Variants in FRY observed in about 807,000 individuals in gnomAD.
FRY encodes the protein protein furry homolog.
Under a neutral mutation model 348.4 loss-of-function variants are expected in FRY, and 128 were observed. That is an observed-to-expected ratio of 0.37 (90% confidence interval 0.32 to 0.43). The LOEUF is 0.43. Ranked by LOEUF, FRY falls within the 20% of genes least tolerant of loss-of-function variation. The pLI is 1.00. For synonymous variants in FRY, 1,370 were observed against 1,374.7 expected, an observed-to-expected ratio of 1.00 and a Z score of 0.08; for missense variants, 2,736 against 3,695.2, an observed-to-expected ratio of 0.74 and a Z score of 6.73.
chr13:32,215,970 G>T (rs1884969263), intron 35 of FRY, among the ~76,000 whole-genome samples: 2 of 152,176 alleles, frequency 1.3e-5, no homozygotes, highest in Non-Finnish European at 1.5e-5. Flanking sequence ...AACCTCACCT[G>T]TATAAATTTT....
At chr13:32,115,235 C>T (rs1274977024) in intron 3 of FRY, among the ~76,000 whole-genome samples, 2 of 152,270 alleles carry the variant, frequency 1.3e-5, no homozygotes, top group South Asian at 2.1e-4. Flanking sequence ...CACTTTAGCT[C>T]CCTTTGCTCT....
At chr13:32,033,775 C>T (rs899734800) in intron 1 of FRY, among the ~76,000 whole-genome samples, 3 of 152,238 alleles carry the variant, frequency 2.0e-5, no homozygotes, top group Non-Finnish European at 4.4e-5. Flanking sequence ...GGCTTTCCAG[C>T]ATTCTTTTGA....
At chr13:32,200,781 T>G (rs998423147) in intron 29 of FRY, among the ~76,000 whole-genome samples, 6 of 152,234 alleles carry the variant, frequency 3.9e-5, no homozygotes, top group African/African-American at 1.4e-4. Flanking sequence ...TAATCTATTC[T>G]GTGTTCCTCT....
Position 32,054,217 on chromosome 13 carries a change from TTG to T in FRY, c.70+22354_70+22355del, listed in dbSNP as rs1346144237. ...TCATCTTGAACACACCCTTTTTTTTTTGTTGTTCTGTATGACTATTCAGGAAA... is the reference window on the plus strand; with the variant it reads ...TCATCTTGAACACACCCTTTTTTTTTTTGTTCTGTATGACTATTCAGGAAA... On this transcript the variant is annotated intron_variant, in intron 1 of 60. Transcript: ENST00000542859. Among the ~76,000 whole-genome samples, 380 of 151,796 alleles carry T rather than the reference TTG, an allele frequency of 2.5e-3. 1 individual carries two copies. Among genetic ancestry groups the T allele is most frequent in the Middle Eastern group, 0.02 (6 of 294 alleles).
At chr13:32,129,399 T>C (rs11839738) in intron 7 of FRY, among the ~76,000 whole-genome samples, 2,260 of 152,326 alleles carry the variant, frequency 0.015, 59 homozygotes, top group African/African-American at 0.052. Context: ...GTAAATTTAA[T>C]AAAGTTTCTA....
intron 35 of FRY, among the ~76,000 whole-genome samples, chr13:32,215,130 T>C (rs749758054): frequency 6.6e-6 from 1 of 152,074 alleles, no homozygotes; most frequent in Non-Finnish European, 1.5e-5. Context: ...AACTACAACT[T>C]AACATTAACC....
At chr13:32,210,795 G>A in intron 33 of FRY, 71 bp from the exon 34 acceptor site, 2 of 1,241,280 alleles carry the variant, frequency 1.6e-6, no homozygotes, top group South Asian at 1.2e-5. Context: ...CTAAATGAGA[G>A]GTTTACTGGC....
At chr13:32,045,318 C>T (rs1480445020) in intron 1 of FRY, among the ~76,000 whole-genome samples, 1 of 152,200 alleles carries the variant, frequency 6.6e-6, no homozygotes, top group Non-Finnish European at 1.5e-5. Context: ...TCTGGATCTT[C>T]GTCACCATCA....
Position 32,186,403 on chromosome 13 carries a change from C to A in FRY, c.3463C>A (p.Gln1155Lys). ...SDRNHQITRY[Q>K]YCALKAMSAV... ...CAGAAATCATCAGATTACAAGATAT[C>A]AGTATTGTGCATTAAAAGTAGGTGA... Residue 1155 changes from glutamine (Q) to lysine (K), a missense_variant, in exon 27 of 61, where the codon CAG becomes AAG. Gln to Lys is a moderately conservative substitution (Grantham distance 53). This residue lies in a region of FRY where 33 missense variants were observed against 86.7 expected (regional missense o/e 0.38). Transcript: ENST00000542859. 1 of 1,604,864 alleles carries A rather than the reference C, an allele frequency of 6.2e-7. No homozygotes were observed. The highest frequency in any genetic ancestry group is 8.5e-7 in the Non-Finnish European group (1 of 1,171,524).
chr13:32,050,827 A>T (rs1873281810), intron 1 of FRY, among the ~76,000 whole-genome samples: 1 of 152,176 alleles, frequency 6.6e-6, no homozygotes, highest in African/African-American at 2.4e-5. Flanking sequence ...GGTGCACCTA[A>T]CTCTTCATAA....
At chr13:32,034,113 CTGAA>C (rs963510179) in intron 1 of FRY, among the ~76,000 whole-genome samples, 1 of 152,190 alleles carries the variant, frequency 6.6e-6, no homozygotes, top group East Asian at 1.9e-4. Context: ...GCCCACATAC[CTGAA>C]TGGAGACTCA....
At chr13:32,181,728 C>G (rs1882726935) in intron 23 of FRY, among the ~76,000 whole-genome samples, 1 of 152,062 alleles carries the variant, frequency 6.6e-6, no homozygotes, top group Admixed American at 6.6e-5. Context: ...ATGCAACCAA[C>G]TAGCCTCATG....
intron 38 of FRY, 53 bp from the exon 39 acceptor site, chr13:32,225,736 A>C (rs919200202): frequency 6.9e-6 from 9 of 1,297,612 alleles, no homozygotes; most frequent in Non-Finnish European, 1.0e-5. Context: ...TATCCCTGGA[A>C]TCTAAACGAG....
chr13:32,271,241 C>A (rs1268480627), intron 55 of FRY, among the ~76,000 whole-genome samples: 2 of 152,212 alleles, frequency 1.3e-5, no homozygotes, highest in Non-Finnish European at 2.9e-5. Context: ...GTGTTCAAAT[C>A]CCAGTTCTGG....
intron 3 of FRY, among the ~76,000 whole-genome samples, chr13:32,110,187 T>C (rs897531268): frequency 2.6e-5 from 4 of 152,224 alleles, no homozygotes. Flanking sequence ...TAGTGGCTGA[T>C]TATGATTGGT....
chr13:32,151,285 GT>G (rs1477160500), intron 14 of FRY, among the ~76,000 whole-genome samples: 1 of 151,870 alleles, frequency 6.6e-6, no homozygotes, highest in Non-Finnish European at 1.5e-5. Context: ...GTGTAGAGCA[GT>G]TGGAACTGTG....
chr13:32,162,481 C>T (rs189967), intron 17 of FRY, among the ~76,000 whole-genome samples: 26 of 151,880 alleles, frequency 1.7e-4, no homozygotes, highest in Non-Finnish European at 3.1e-4. Flanking sequence ...TCCTCTCTTA[C>T]GTGGGCAGCC....
chr13:32,065,788 G>A (rs1184425179), intron 1 of FRY, among the ~76,000 whole-genome samples: 2 of 151,854 alleles, frequency 1.3e-5, no homozygotes, highest in East Asian at 1.9e-4. Context: ...TTTTTTGGTA[G>A]AGATGGGGTC....
intron 7 of FRY, among the ~76,000 whole-genome samples, chr13:32,127,574 G>A (rs557407020): frequency 2.0e-4 from 31 of 152,160 alleles, no homozygotes; most frequent in African/African-American, 7.2e-4. Flanking sequence ...CCAGGAGATC[G>A]AGACCATCCT....
Sources: allele counts gnomAD v4.1 joint callset (sites outside exome capture counted in the v4.1 genomes callset), GRCh38; gene constraint gnomAD v4.1.1; regional missense constraint gnomAD v4.1.1; transcripts MANE v1.5; gene names NCBI Gene and HGNC (gene_info 2026-07-23, HGNC 2026-07-21).